MUC5B: variants seen among roughly 807,000 people sequenced by gnomAD.
MUC5B encodes mucin 5B, oligomeric mucus/gel-forming, also known as mucin-5B.
MUC5B carries 116 observed loss-of-function variants against 376.9 expected under a neutral mutation model. The ratio of observed to expected loss-of-function variants is 0.31; its 90% confidence interval spans 0.26 to 0.36. The LOEUF (loss-of-function observed/expected upper bound fraction) is 0.36, where lower values mean the gene tolerates loss of function less well. Ranked by LOEUF, MUC5B falls within the 10% of genes least tolerant of loss-of-function variation. MUC5B has a pLI of 1.00. For synonymous variants in MUC5B, 3,517 were observed against 3,390.9 expected, an observed-to-expected ratio of 1.04 and a Z score of -1.29; for missense variants, 7,165 against 7,769.9, an observed-to-expected ratio of 0.92 and a Z score of 2.93.
rs757309936 is a variant in MUC5B, at chr11:1,249,632, C to G, written c.12752C>G (p.Thr4251Arg). ...ACTCCGGGGACGACCTGGATCCTCA[C>G]AGAGCTGACCACAACAGCCACTACG... ...SSTPGTTWIL[T>R]ELTTTATTTA... The change falls in exon 31 of 49, where the codon ACA (threonine) becomes AGA (arginine). Residue 4251 changes from threonine to arginine, a missense_variant. Around this residue, in one of 31 missense-constraint regions of MUC5B, gnomAD observed 431 missense variants for 390.4 expected, o/e 1.10. Coordinates refer to ENST00000529681, the MANE Select transcript of MUC5B (RefSeq NM_002458.3). 2 of 1,611,860 alleles carry G rather than the reference C, an allele frequency of 1.2e-6. No individual in the cohort carries two copies. Among genetic ancestry groups the G allele is most frequent in the Non-Finnish European group, 1.7e-6 (2 of 1,178,724 alleles).
rs1020536749 is a variant in MUC5B, at chr11:1,254,482, G to A, written c.15477+131G>A. The A allele has an allele frequency of 3.6e-6, 5 of 1,386,898 alleles. No homozygotes were observed. In the African/African-American group the frequency reaches 5.7e-5, roughly 16 times the overall value. The allele number at this position is 1,386,898 out of a possible 1,614,324, so 85.9% of individuals were successfully genotyped here. On this transcript the variant is annotated intron_variant, in intron 34 of 48. Transcript: ENST00000529681. ...CCCAAGACAGCTCCCAGGGGGCAGG[G>A]AAGGCCTGTGGAGCCGCCTAAGGCC...
rs1261578160 is a variant in MUC5B at position 1,235,188 on chromosome 11, A to C, written c.2734A>C (p.Ser912Arg). ...CATCACCTTTGATGGCGATCGCTACAGCTTTGAAGGCAGCTGCGAGTACAT... is the reference window on the plus strand; with the variant it reads ...CATCACCTTTGATGGCGATCGCTACCGCTTTGAAGGCAGCTGCGAGTACAT... The part of the protein sequence containing the change: ...HFITFDGDRY[S>R]FEGSCEYILA... The change falls in exon 22 of 49, where the codon AGC becomes CGC. Residue 912 changes from serine (S) to arginine (R), a missense_variant. Coordinates refer to ENST00000529681, the MANE Select transcript of MUC5B (RefSeq NM_002458.3). 1 of 1,612,900 alleles carries C rather than the reference A, an allele frequency of 6.2e-7. No individual in the cohort carries two copies. Among genetic ancestry groups the C allele is most frequent in the Non-Finnish European group, 8.5e-7 (1 of 1,179,668 alleles).
At chr11:1,259,145 G>A in intron 44 of MUC5B, 84 bp downstream of exon 44, 1 of 1,355,686 alleles carries the variant, frequency 7.4e-7, no homozygotes, top group Non-Finnish European at 1.0e-6. Context: ...CCCCAGGTGA[G>A]ACCTGAGTCA....
At chr11:1,255,354 C>T in intron 36 of MUC5B, 29 bp from the exon 37 acceptor site, 2 of 1,556,696 alleles carry the variant, frequency 1.3e-6, no homozygotes, top group Non-Finnish European at 1.7e-6. Flanking sequence ...GGGCTGGGGG[C>T]CCTCCGTCCT....
rs1465259432 is a variant in MUC5B, at chr11:1,248,737, A to C, written c.11857A>C (p.Thr3953Pro). ...CCCATCACTGATCACCACGGCCACT[A>C]CGATCACGGCCACCGGCTCCACCAC... Reference protein sequence around the residue: ...TPPSLITTATTITATGSTTNP... With the variant: ...TPPSLITTATPITATGSTTNP... The change falls in exon 31 of 49, where the codon ACG (threonine) becomes CCG (proline). Residue 3953 changes from threonine (T) to proline (P), a missense_variant. Transcript: ENST00000529681. The C allele has an allele frequency of 6.4e-7, 1 of 1,559,146 alleles. No individual in the cohort carries two copies. Among genetic ancestry groups the C allele is most frequent in the East Asian group, 2.4e-5 (1 of 40,992 alleles).
chr11:1,241,858 C>A lies in MUC5B; in HGVS notation c.4978C>A (p.Pro1660Thr). ...CACCCTCTCAGAAGGACTGACATCC[C>A]CCAGATACACAAGCACCCTTGGTAC... The part of the protein sequence containing the change: ...VPTLSEGLTS[P>T]RYTSTLGTAT... Residue 1660 changes from proline (P) to threonine (T), a missense_variant, in exon 31 of 49, where the codon CCC becomes ACC. This residue lies in a region of MUC5B where 897 missense variants were observed against 779.6 expected (regional missense o/e 1.15). Coordinates refer to ENST00000529681, the MANE Select transcript of MUC5B (RefSeq NM_002458.3). 1 of 1,613,404 alleles carries A rather than the reference C, an allele frequency of 6.2e-7. No homozygotes were observed. The highest frequency in any genetic ancestry group is 8.5e-7 in the Non-Finnish European group (1 of 1,179,704).
rs909414764 is a variant in MUC5B, at chr11:1,260,031, A to G, written c.16869A>G (p.Gly5623=). ...CTVYLCEAEG[G]VHLLTPQPAS... ...TGTACCTCTGTGAGGCTGAGGGTGGAGTCCATTTGCTGACCCCACAGCCTG... is the reference window on the plus strand; with the variant it reads ...TGTACCTCTGTGAGGCTGAGGGTGGGGTCCATTTGCTGACCCCACAGCCTG... Residue 5623 remains glycine (G), a synonymous_variant, in exon 46 of 49, where the codon GGA becomes GGG. Transcript: ENST00000529681. 5 of 1,612,762 alleles carry G rather than the reference A, an allele frequency of 3.1e-6. No homozygotes were observed. The highest frequency in any genetic ancestry group is 4.2e-6 in the Non-Finnish European group (5 of 1,179,758).
rs756782696 is a variant in MUC5B at position 1,248,396 on chromosome 11, C to T, written c.11516C>T (p.Thr3839Ile). The T allele has an allele frequency of 6.2e-7, 1 of 1,612,892 alleles. No homozygotes were observed. Among genetic ancestry groups the T allele is most frequent in the South Asian group, 1.1e-5 (1 of 91,040 alleles). ...GCCCACACCTCCACAGTGCTTACCA[C>T]CACGGCCACCACAACCAGGGCCACC... ...ETAHTSTVLT[T>I]TATTTRATGS... Residue 3839 changes from threonine to isoleucine, a missense_variant, in exon 31 of 49, where the codon ACC becomes ATC. Coordinates refer to ENST00000529681, the MANE Select transcript of MUC5B (RefSeq NM_002458.3).
In MUC5B at chr11:1,249,862, T is replaced by C. The variant is rs1274398197; in HGVS notation, c.12982T>C (p.Ser4328Pro). The C allele has an allele frequency of 3.1e-6, 5 of 1,611,308 alleles. No homozygotes were observed. Among genetic ancestry groups the C allele is most frequent in the Non-Finnish European group, 4.2e-6 (5 of 1,179,226 alleles). The part of the protein sequence containing the change: ...STATSVTPIP[S>P]STLGTTGTLP... Reference sequence around the variant, plus strand: ...AGCTACCAGCGTTACACCCATCCCCTCCTCCACCCTTGGGACCACCGGGAC... The same window carrying C: ...AGCTACCAGCGTTACACCCATCCCCCCCTCCACCCTTGGGACCACCGGGAC... The change falls in exon 31 of 49, where the codon TCC becomes CCC. Residue 4328 changes from serine to proline, a missense_variant. Physicochemically the swap from Ser to Pro is moderately conservative, Grantham distance 74. Coordinates refer to ENST00000529681, the MANE Select transcript of MUC5B (RefSeq NM_002458.3).
At chr11:1,236,009 G>C (rs1299909144) in intron 23 of MUC5B, among the ~76,000 whole-genome samples, 2 of 152,246 alleles carry the variant, frequency 1.3e-5, no homozygotes, top group Non-Finnish European at 2.9e-5. Context: ...GGATAAAGCA[G>C]CGCCGCTGGC....
At chr11:1,239,611 C>T (rs1373975919) in intron 27 of MUC5B, 45 bp downstream of exon 27, 14 of 1,534,276 alleles carry the variant, frequency 9.1e-6, no homozygotes, top group African/African-American at 1.4e-5. Context: ...TCCTTGGGTT[C>T]CCGAGTGTAC....
chr11:1,260,839 A>T, intron 48 of MUC5B, 111 bp downstream of exon 48: 1 of 776,324 alleles, frequency 1.3e-6, no homozygotes, highest in Non-Finnish European at 2.1e-6. Context: ...CGCCAGCTCC[A>T]GGAAGGAGGG....
chr11:1,228,859 G>A (rs1564931931), intron 8 of MUC5B, 94 bp downstream of exon 8: 3 of 549,914 alleles, frequency 5.5e-6, no homozygotes, highest in Non-Finnish European at 8.8e-6. Flanking sequence ...AGGCCTGGGG[G>A]ACAGGGGTGG....
At position 1,237,149 on chromosome 11, in the gene MUC5B, C is replaced by T. The variant is rs200721558; in HGVS notation, c.3282C>T (p.Ala1094=). The part of the protein sequence containing the change: ...QCSILHGPTF[A]ACRSQVDSTK... The stretch of plus-strand genomic sequence containing the variant: ...GCATCCTCCACGGCCCCACCTTCGC[C>T]GCCTGCCGCTCCCAGGTGGGGCTCT... The change falls in exon 25 of 49, where the codon GCC becomes GCT. Residue 1094 remains alanine, a synonymous_variant. Transcript: ENST00000529681. 4.2e-5 allele frequency: 60 copies of T among 1,424,522 alleles called. No homozygotes were observed. Among genetic ancestry groups the T allele is most frequent in the Middle Eastern group, 1.9e-4 (1 of 5,316 alleles). 88.2% of individuals were successfully genotyped at this position (1,424,522 alleles called of 1,614,324 possible).
chr11:1,234,075 C>T lies in MUC5B; in HGVS notation c.2378-130C>T. 1 of 844,288 alleles carries T rather than the reference C, an allele frequency of 1.2e-6. No homozygotes were observed. Among genetic ancestry groups the T allele is most frequent in the South Asian group, 1.6e-5 (1 of 61,914 alleles). 52.3% of individuals were successfully genotyped at this position (844,288 alleles called of 1,614,324 possible). On this transcript the variant is annotated intron_variant, in intron 19 of 48. Transcript: ENST00000529681. This position sits in a 1 kb window ranked among gnomAD's most constrained non-coding sequence, Gnocchi z 6.3. ...CGGGGTGTCCTGGGGTTGGGGGCTG[C>T]AGGTGTCATGGAAGCTTTGGCTCGG...
rs1473831220 is a variant in MUC5B, at chr11:1,233,020, C to T, written c.2073C>T (p.Tyr691=). 3.1e-6 allele frequency: 5 copies of T among 1,589,740 alleles called. No individual in the cohort carries two copies. The highest frequency in any genetic ancestry group is 3.4e-6 in the Non-Finnish European group (4 of 1,172,376). ...TGGCCCCACCGACCACAGCCAAGTA[C>T]ATGCAGAACTGCCCCAAGTCCCAGC... ...SDWRDGVCTK[Y]MQNCPKSQRY... is the part of the protein sequence containing the mutation. The change falls in exon 18 of 49, where the codon TAC becomes TAT. Residue 691 remains tyrosine (Y), a synonymous_variant. Transcript: ENST00000529681.
At position 1,241,468 on chromosome 11, in the gene MUC5B, T is replaced by C. The variant is rs1235180582; in HGVS notation, c.4588T>C (p.Tyr1530His). Residue 1530 changes from tyrosine (Y) to histidine (H), a missense_variant, in exon 31 of 49, where the codon TAC becomes CAC. By Grantham distance (83) the Tyr-to-His change is moderately conservative. Coordinates refer to ENST00000529681, the MANE Select transcript of MUC5B (RefSeq NM_002458.3). ...SEQLGGDVES[Y>H]DKIRAAGGHL... ...ACAACTTGGAGGGGACGTTGAGTCC[T>C]ACGATAAGATCAGGGCCGCTGGAGG... is the stretch of plus-strand genomic sequence containing the variant. 6.2e-7 allele frequency: 1 copy of C among 1,613,380 alleles called. No homozygotes were observed. Among genetic ancestry groups the C allele is most frequent in the Non-Finnish European group, 8.5e-7 (1 of 1,179,708 alleles).
chr11:1,238,843 C>A, intron 25 of MUC5B, 28 bp from the exon 26 acceptor site: 1 of 1,539,834 alleles, frequency 6.5e-7, no homozygotes, highest in Non-Finnish European at 8.8e-7. Flanking sequence ...ATTGTCCCGG[C>A]TGAGCTGCAC....
In MUC5B at chr11:1,251,566, A is replaced by G; in HGVS notation, c.14686A>G (p.Ser4896Gly). The G allele has an allele frequency of 2.5e-6, 4 of 1,612,528 alleles. No homozygotes were observed. Among genetic ancestry groups the G allele is most frequent in the Non-Finnish European group, 3.4e-6 (4 of 1,179,602 alleles). The change falls in exon 31 of 49, where the codon AGC (serine) becomes GGC (glycine). Residue 4896 changes from serine to glycine, a missense_variant. Transcript: ENST00000529681. ...CACAGCCACTGCCTCCACGGTTCCC[A>G]GCTCGTCCACCGTGGGGACCACCCG... ...MPTATASTVP[S>G]SSTVGTTRTP...
Sources: gnomAD v4.1 joint callset for allele counts (sites outside exome capture counted in the v4.1 genomes callset) on GRCh38, gnomAD v4.1.1 for gene constraint, gnomAD v4.1.1 regional missense constraint, Gnocchi (gnomAD v3.1) non-coding constraint, MANE v1.5 for transcripts, NCBI Gene and HGNC (gene_info 2026-07-23, HGNC 2026-07-21) for gene names.